RIPOR2: variants seen among roughly 807,000 people sequenced by gnomAD.
RIPOR2 encodes RHO family interacting cell polarization regulator 2.
A neutral mutation model predicts 114.5 loss-of-function variants in RIPOR2; 39 were observed. The observed-to-expected ratio is 0.34, with a 90% confidence interval of 0.26 to 0.44. The LOEUF is 0.44. RIPOR2 is among the 20% of genes least tolerant of loss of function. The probability of loss-of-function intolerance (pLI) is 1.00; values close to 1 mark genes in which losing one functional copy is unlikely to be tolerated. For missense variants in RIPOR2, 1,007 were observed against 1,255.1 expected, an observed-to-expected ratio of 0.80 and a Z score of 2.99; for synonymous variants, 445 against 484.4, an observed-to-expected ratio of 0.92 and a Z score of 1.07.
At chr6:24,821,148 C>G (rs1759660497) in intron 19 of RIPOR2, among the ~76,000 whole-genome samples, 1 of 150,360 alleles carries the variant, frequency 6.7e-6, no homozygotes, top group African/African-American at 2.5e-5. Flanking sequence ...TCTGGGATTA[C>G]AGGCGTGAGC....
At chr6:24,912,375 T>C (rs1769700170) in intron 1 of RIPOR2, among the ~76,000 whole-genome samples, 1 of 152,202 alleles carries the variant, frequency 6.6e-6, no homozygotes, top group Admixed American at 6.5e-5. Flanking sequence ...CACATAGCTT[T>C]TGCTCATTTC....
intron 1 of RIPOR2, among the ~76,000 whole-genome samples, chr6:24,912,469 T>C (rs80151974): frequency 6.3e-3 from 314 of 50,134 alleles, no homozygotes; most frequent in African/African-American, 0.037. Context: ...CCCCCCCCCT[T>C]TTTTTTTTGC....
At chr6:24,957,914 TA>T (rs1390933808) in intron 1 of RIPOR2, among the ~76,000 whole-genome samples, 2 of 151,894 alleles carry the variant, frequency 1.3e-5, no homozygotes, top group Non-Finnish European at 2.9e-5. Context: ...CAATTACACT[TA>T]AAAAATTACA....
chr6:24,854,124 G>GA (rs56203816), intron 8 of RIPOR2, among the ~76,000 whole-genome samples: 12,741 of 86,440 alleles, frequency 0.15, 723 homozygotes, highest in African/African-American at 0.24. Flanking sequence ...GTCTGAAAAA[G>GA]AAAAAAAAAA....
At chr6:24,871,415 G>A (rs896400892) in intron 4 of RIPOR2, among the ~76,000 whole-genome samples, 9 of 152,224 alleles carry the variant, frequency 5.9e-5, no homozygotes, top group Non-Finnish European at 1.0e-4. Context: ...GCAGTGGCAC[G>A]ATCTCGGCTC....
intron 1 of RIPOR2, among the ~76,000 whole-genome samples, chr6:25,005,734 T>TACACAC (rs1554130543): frequency 2.0e-5 from 2 of 97,682 alleles, no homozygotes; most frequent in African/African-American, 7.3e-5. Flanking sequence ...TATATATATA[T>TACACAC]ATATATACAT....
At chr6:25,030,348 A>G (rs1776863663) in intron 1 of RIPOR2, among the ~76,000 whole-genome samples, 1 of 152,078 alleles carries the variant, frequency 6.6e-6, no homozygotes, top group African/African-American at 2.4e-5. Context: ...TGGGATTCAG[A>G]GGGTTCAGAG....
At chr6:24,891,310 T>C (rs888984355) in intron 1 of RIPOR2, among the ~76,000 whole-genome samples, 1 of 152,356 alleles carries the variant, frequency 6.6e-6, no homozygotes. Flanking sequence ...TAGCCACATG[T>C]ATAACATCTG....
intron 1 of RIPOR2, among the ~76,000 whole-genome samples, chr6:25,005,537 T>A (rs1206110183): frequency 6.6e-6 from 1 of 151,458 alleles, no homozygotes; most frequent in Non-Finnish European, 1.5e-5. Flanking sequence ...CTATGTCTCA[T>A]CTTAGTCAAT....
Position 24,859,922 on chromosome 6 carries a change from C to T in RIPOR2, c.715+1051G>A, listed in dbSNP as rs370181343. Among the ~76,000 whole-genome samples the T allele has an allele frequency of 1.1e-4, 17 of 152,350 alleles. 1 individual carries two copies. The South Asian group carries it at 3.5e-3, about 32-fold the overall frequency. The stretch of plus-strand genomic sequence containing the variant: ...AACCTCAGAATTGCATAAGCACCAG[C>T]CCTCTTCACTGCAGTCAGATGGGCC... On this transcript the variant is annotated intron_variant, in intron 8 of 21. Transcript: ENST00000643898.
Position 25,023,831 on chromosome 6 carries a change from C to G in RIPOR2, c.76+18020G>C, listed in dbSNP as rs149566612. ...TTTTTTAACTCGATCTCGAGGATGT[C>G]AGGGGTGTTGGGGGCTTTGACCGGT... is the stretch of plus-strand genomic sequence containing the variant. On this transcript the variant is annotated intron_variant, in intron 1 of 13. Coordinates refer to the RIPOR2 transcript ENST00000510784. 4 of 743,516 alleles carry G rather than the reference C, an allele frequency of 5.4e-6. No individual in the cohort carries two copies. The East Asian group carries it at 1.0e-4, about 19-fold the overall frequency. 46.1% of individuals were successfully genotyped at this position (743,516 alleles called of 1,614,324 possible).
intron 1 of RIPOR2, among the ~76,000 whole-genome samples, chr6:25,027,770 G>A (rs1233773801): frequency 6.6e-6 from 1 of 152,220 alleles, no homozygotes; most frequent in Non-Finnish European, 1.5e-5. Context: ...TTGATCCGCA[G>A]ACGCCCCCAG....
intron 1 of RIPOR2, among the ~76,000 whole-genome samples, chr6:25,016,872 A>G (rs1232833991): frequency 6.6e-6 from 1 of 152,232 alleles, no homozygotes; most frequent in African/African-American, 2.4e-5. Context: ...AGATCCTCTC[A>G]TTGTATATAT....
At chr6:24,882,125 TAGA>T (rs1365232623) in intron 1 of RIPOR2, among the ~76,000 whole-genome samples, 6 of 152,214 alleles carry the variant, frequency 3.9e-5, no homozygotes, top group Admixed American at 1.3e-4. Context: ...GTGCCACCAG[TAGA>T]AGTAGTAAAA....
At chr6:24,954,774 C>T (rs1389274833) in intron 1 of RIPOR2, among the ~76,000 whole-genome samples, 1 of 151,240 alleles carries the variant, frequency 6.6e-6, no homozygotes, top group South Asian at 2.1e-4. Context: ...ATAGTGGCTT[C>T]TCATGGCAAA....
At chr6:24,844,961 C>A (rs1251087829) in intron 12 of RIPOR2, among the ~76,000 whole-genome samples, 1 of 151,944 alleles carries the variant, frequency 6.6e-6, no homozygotes, top group East Asian at 1.9e-4. Context: ...GACAAAGGCT[C>A]CCCTTCCTCC....
intron 1 of RIPOR2, among the ~76,000 whole-genome samples, chr6:24,884,613 C>T (rs994859620): frequency 2.0e-5 from 3 of 152,130 alleles, no homozygotes; most frequent in South Asian, 4.1e-4. Context: ...GATGGAAGAA[C>T]CAGGGCCAGA....
chr6:24,834,513 A>C (rs116395715), intron 15 of RIPOR2, among the ~76,000 whole-genome samples: 1 of 152,180 alleles, frequency 6.6e-6, no homozygotes, highest in Non-Finnish European at 1.5e-5. Flanking sequence ...TTGGCCTCCC[A>C]AAGTGCTGGG....
At chr6:25,028,743 A>G (rs1363026147) in intron 1 of RIPOR2, among the ~76,000 whole-genome samples, 1 of 152,242 alleles carries the variant, frequency 6.6e-6, no homozygotes, top group Non-Finnish European at 1.5e-5. Context: ...TGAGTCTCCA[A>G]TGAGATAATG....
Sources: gnomAD v4.1 joint callset for allele counts (sites outside exome capture counted in the v4.1 genomes callset) on GRCh38, gnomAD v4.1.1 for gene constraint, MANE v1.5 for transcripts, NCBI Gene and HGNC (gene_info 2026-07-23, HGNC 2026-07-21) for gene names.